Variants in LPP observed in about 807,000 individuals in gnomAD.
LPP encodes the protein LIM domain containing preferred translocation partner in lipoma, also known as lipoma-preferred partner.
Under a neutral mutation model 60.4 loss-of-function variants are expected in LPP, and 38 were observed. That is an observed-to-expected ratio of 0.63 (90% CI 0.49 to 0.83). The LOEUF (loss-of-function observed/expected upper bound fraction) is 0.83. Ranked by LOEUF, LPP falls within the 40% of genes least tolerant of loss-of-function variation. The probability of loss-of-function intolerance (pLI) is 0.00; values close to 1 mark genes in which losing one functional copy is unlikely to be tolerated. For synonymous variants in LPP, 328 were observed against 290.8 expected (o/e 1.13, Z -1.30); for missense variants, 902 against 783.6 (o/e 1.15, Z -1.80).
At chr3:188,260,033 ATTC>A (rs1211451086) in intron 2 of LPP, among the ~76,000 whole-genome samples, 2 of 151,868 alleles carry the variant, frequency 1.3e-5, no homozygotes, top group African/African-American at 4.8e-5. Flanking sequence ...CCTATTTATT[ATTC>A]TTATTTTATT....
At chr3:188,782,902 C>T (rs1485672437) in intron 9 of LPP, among the ~76,000 whole-genome samples, 2 of 152,136 alleles carry the variant, frequency 1.3e-5, no homozygotes, top group African/African-American at 2.4e-5. Flanking sequence ...CCCACTCCTT[C>T]CTTCTCAAGG....
intron 4 of LPP, among the ~76,000 whole-genome samples, chr3:188,421,332 A>G (rs1337883387): frequency 6.6e-6 from 1 of 152,210 alleles, no homozygotes. Context: ...GTAGAAAGAA[A>G]AAAGATCCAA....
At chr3:188,334,407 T>G (rs1761024074) in intron 2 of LPP, among the ~76,000 whole-genome samples, 1 of 150,650 alleles carries the variant, frequency 6.6e-6, no homozygotes, top group Non-Finnish European at 1.5e-5. Context: ...TTGCTGGATC[T>G]TACGATATTT....
intron 1 of LPP, among the ~76,000 whole-genome samples, chr3:188,207,634 T>G (rs1342904624): frequency 1.3e-5 from 2 of 151,318 alleles, no homozygotes; most frequent in Admixed American, 6.6e-5. Context: ...TTTTTTTTTT[T>G]TTTTTAAAGA....
At chr3:188,658,647 A>G (rs1266977479) in intron 7 of LPP, among the ~76,000 whole-genome samples, 1 of 152,220 alleles carries the variant, frequency 6.6e-6, no homozygotes, top group Non-Finnish European at 1.5e-5. Context: ...GTGGATTAAT[A>G]ACACAAAAGA....
chr3:188,527,306 C>T (rs563178443), intron 6 of LPP, among the ~76,000 whole-genome samples: 8 of 142,732 alleles, frequency 5.6e-5, no homozygotes, highest in South Asian at 2.2e-4. Flanking sequence ...GCCAGGATCA[C>T]GCCACTGCGC....
chr3:188,164,114 C>T lies in LPP; in HGVS notation c.-190+9862C>T, dbSNP rs771126962. 3.7e-4 allele frequency among the ~76,000 whole-genome samples: 56 copies of T among 152,122 alleles called. 2 individuals carry two copies. The highest frequency in any genetic ancestry group is 2.0e-4 in the Admixed American group (3 of 15,268). The stretch of plus-strand genomic sequence containing the variant: ...ATAAGAGAGTGCCGTGGGAGAGGCG[C>T]ATGTGAAGGACTGATGGACTTGTGA... On this transcript the variant is annotated intron_variant, in intron 1 of 11. Coordinates refer to ENST00000617246, the MANE Select transcript of LPP (RefSeq NM_001375462.1).
intron 9 of LPP, among the ~76,000 whole-genome samples, chr3:188,765,621 G>A (rs1477330747): frequency 6.6e-6 from 1 of 152,060 alleles, no homozygotes; most frequent in Non-Finnish European, 1.5e-5. Context: ...CAAAGTAAAT[G>A]ACAAAACAAA....
intron 2 of LPP, among the ~76,000 whole-genome samples, chr3:188,301,027 T>G (rs190003304): frequency 1.3e-4 from 20 of 152,328 alleles, no homozygotes; most frequent in Non-Finnish European, 2.4e-4. Flanking sequence ...GCATCTTATC[T>G]TCTACATTTG....
intron 1 of LPP, among the ~76,000 whole-genome samples, chr3:188,190,290 C>T (rs1727797032): frequency 6.6e-6 from 1 of 152,008 alleles, no homozygotes; most frequent in African/African-American, 2.4e-5. Flanking sequence ...AACTCCTGAC[C>T]TCATGTGATC....
At chr3:188,269,198 C>G (rs370320564) in intron 2 of LPP, among the ~76,000 whole-genome samples, 1 of 152,162 alleles carries the variant, frequency 6.6e-6, no homozygotes, top group Non-Finnish European at 1.5e-5. Context: ...TCCTGGAGAT[C>G]GTAATATCTT....
intron 1 of LPP, among the ~76,000 whole-genome samples, chr3:188,192,060 T>C (rs921980422): frequency 1.3e-5 from 2 of 152,122 alleles, no homozygotes; most frequent in Admixed American, 6.5e-5. Flanking sequence ...TAAGGGAATA[T>C]TTAAATATTT....
chr3:188,298,665 G>A (rs1489226930), intron 2 of LPP, among the ~76,000 whole-genome samples: 2 of 152,098 alleles, frequency 1.3e-5, no homozygotes, highest in Non-Finnish European at 1.5e-5. Context: ...TTAATCCATC[G>A]GTATGAGGAT....
At chr3:188,608,963 C>T (rs368888248) in intron 6 of LPP, among the ~76,000 whole-genome samples, 198 bp from the exon 7 acceptor site, 109 of 152,108 alleles carry the variant, frequency 7.2e-4, no homozygotes, top group Admixed American at 1.1e-3. Context: ...TGCTATTCGT[C>T]GGCAGTGCAC....
At chr3:188,637,980 T>C (rs1849185434) in intron 7 of LPP, among the ~76,000 whole-genome samples, 1 of 149,442 alleles carries the variant, frequency 6.7e-6, no homozygotes, top group African/African-American at 2.4e-5. Context: ...TTCCAATCAA[T>C]AGAAAAAGAG....
At chr3:188,824,637 G>A (rs548651721) in intron 9 of LPP, among the ~76,000 whole-genome samples, 9 of 152,192 alleles carry the variant, frequency 5.9e-5, no homozygotes, top group South Asian at 2.1e-4. Context: ...TCCTTTAACC[G>A]CGTGCAAAAT....
chr3:188,420,226 C>T (rs1215166741), intron 4 of LPP, among the ~76,000 whole-genome samples: 1 of 151,876 alleles, frequency 6.6e-6, no homozygotes, highest in Non-Finnish European at 1.5e-5. Flanking sequence ...GTATGTTTGT[C>T]CTTGCTAGAA....
intron 9 of LPP, among the ~76,000 whole-genome samples, chr3:188,805,986 T>C (rs1318928001): frequency 2.6e-5 from 4 of 151,958 alleles, no homozygotes; most frequent in Non-Finnish European, 5.9e-5. Flanking sequence ...GTTTGTTTTA[T>C]GTGCTAGAAA....
At chr3:188,228,709 G>A (rs919344382) in intron 2 of LPP, among the ~76,000 whole-genome samples, 2 of 152,200 alleles carry the variant, frequency 1.3e-5, no homozygotes, top group Non-Finnish European at 2.9e-5. Context: ...AGTGAGTATG[G>A]TGGGATGCCC....
Sources: gnomAD v4.1 joint callset for allele counts (sites outside exome capture counted in the v4.1 genomes callset) on GRCh38, gnomAD v4.1.1 for gene constraint, MANE v1.5 for transcripts, NCBI Gene and HGNC (gene_info 2026-07-23, HGNC 2026-07-21) for gene names.